The following RSPH14 variants were observed in gnomAD, a reference collection of about 807,000 sequenced individuals.
RSPH14 encodes rhabdoid tumor deletion region gene 1.
In RSPH14, 20 loss-of-function variants were observed where a neutral mutation model predicts 26.7. The observed-to-expected ratio is 0.75, with a 90% CI of 0.53 to 1.09. RSPH14 has a LOEUF of 1.09. Ranked by LOEUF, RSPH14 falls within the 50% of genes least tolerant of loss-of-function variation. RSPH14 has a pLI of 0.00. For missense variants in RSPH14, 449 were observed against 457.2 expected (o/e 0.98, Z 0.16); for synonymous variants, 177 against 189.3 (o/e 0.93, Z 0.53).
chr22:23,139,975 C>A (rs1273219343), intron 2 of RSPH14, among the ~76,000 whole-genome samples: 1 of 152,214 alleles, frequency 6.6e-6, no homozygotes, highest in Non-Finnish European at 1.5e-5. Context: ...GCAGGAGGAT[C>A]TCTTGACCCC....
At chr22:23,130,159 GAAAA>G (rs901029431) in intron 4 of RSPH14, among the ~76,000 whole-genome samples, 9 of 131,388 alleles carry the variant, frequency 6.8e-5, no homozygotes, top group Admixed American at 1.5e-4. Flanking sequence ...AAGAAAGAAA[GAAAA>G]AGAAAAAGAA....
At chr22:23,111,103 G>A (rs1350520448) in intron 4 of RSPH14, among the ~76,000 whole-genome samples, 4 of 152,198 alleles carry the variant, frequency 2.6e-5, no homozygotes, top group Middle Eastern at 3.2e-3. Context: ...CTGTGAGCGT[G>A]AGCAGGAATG....
At chr22:23,159,186 C>A in the RSPH14 span, 5 of 1,611,028 alleles carry the variant, frequency 3.1e-6, no homozygotes, top group Non-Finnish European at 4.2e-6. Context: ...GTGAGCAGGC[C>A]GAAGCAGACG....
chr22:23,138,669 G>C (rs1359536647), intron 3 of RSPH14, among the ~76,000 whole-genome samples, 171 bp downstream of exon 3: 1 of 152,120 alleles, frequency 6.6e-6, no homozygotes, highest in Non-Finnish European at 1.5e-5. Flanking sequence ...GATCCACACA[G>C]AGGCAACCAA....
In RSPH14 at chr22:23,139,726, G is replaced by T. The variant is rs2070556037; in HGVS notation, c.199+496C>A. Reference sequence around the variant, plus strand: ...TGAACCATGCTTTTCTTATCTGTGGGTTGAGAATGGACTCTCCCCTGTAGG... The same window carrying T: ...TGAACCATGCTTTTCTTATCTGTGGTTTGAGAATGGACTCTCCCCTGTAGG... On this transcript the variant is annotated intron_variant, in intron 2 of 6. Coordinates refer to ENST00000216036, the MANE Select transcript of RSPH14 (RefSeq NM_014433.3). Among the ~76,000 whole-genome samples the T allele has an allele frequency of 2.6e-5, 4 of 152,168 alleles. No homozygotes were observed. In the South Asian group the frequency reaches 8.3e-4, roughly 32 times the overall value.
chr22:23,109,423 T>C (rs761442386), intron 4 of RSPH14, among the ~76,000 whole-genome samples: 1 of 151,738 alleles, frequency 6.6e-6, no homozygotes, highest in Non-Finnish European at 1.5e-5. Context: ...TTTTTGGGAG[T>C]CCTGAATCTG....
At chr22:23,169,508 G>A in the RSPH14 span, among the ~76,000 whole-genome samples, 8 of 152,208 alleles carry the variant, frequency 5.3e-5, 1 homozygote, top group Admixed American at 1.3e-4. Context: ...CAGATCTGAG[G>A]GCAGAAAGCC....
At chr22:23,113,683 G>T (rs2069726657) in intron 4 of RSPH14, among the ~76,000 whole-genome samples, 1 of 152,232 alleles carries the variant, frequency 6.6e-6, no homozygotes, top group African/African-American at 2.4e-5. Context: ...CGGTACACCT[G>T]CCAGGACCTC....
At chr22:23,112,932 C>T (rs546494383) in intron 4 of RSPH14, among the ~76,000 whole-genome samples, 1 of 152,332 alleles carries the variant, frequency 6.6e-6, no homozygotes, top group African/African-American at 2.4e-5. Flanking sequence ...CCATGGAATA[C>T]CAGCCAAGAG....
intron 1 of RSPH14, 150 bp from the exon 2 acceptor site, chr22:23,140,622 T>A (rs2070580057): frequency 1.0e-6 from 1 of 998,468 alleles, no homozygotes; most frequent in Non-Finnish European, 1.4e-6. Context: ...TGAAGAGATT[T>A]GCTCAAAGTC....
the RSPH14 span, among the ~76,000 whole-genome samples, chr22:23,157,417 A>AT: frequency 2.0e-5 from 3 of 151,714 alleles, no homozygotes; most frequent in South Asian, 2.1e-4. Flanking sequence ...CACCCAGCTA[A>AT]TTTTTTTGTG....
At chr22:23,099,789 T>G (rs910657433) in intron 4 of RSPH14, among the ~76,000 whole-genome samples, 11 of 152,174 alleles carry the variant, frequency 7.2e-5, no homozygotes, top group African/African-American at 2.7e-4. Flanking sequence ...GTGGAGAAGC[T>G]GGCACCTACC....
intron 4 of RSPH14, among the ~76,000 whole-genome samples, chr22:23,130,079 GAAA>G (rs1569192411): frequency 0.036 from 1,075 of 30,128 alleles, 6 homozygotes; most frequent in African/African-American, 0.053. Flanking sequence ...AAGAAAGAAA[GAAA>G]GGAAGAAAGA....
chr22:23,082,966 T>C (rs2068722895), intron 4 of RSPH14, among the ~76,000 whole-genome samples: 1 of 151,966 alleles, frequency 6.6e-6, no homozygotes, highest in Admixed American at 6.6e-5. Context: ...AAGATCATAT[T>C]AAGGTGGGGC....
intron 4 of RSPH14, among the ~76,000 whole-genome samples, chr22:23,098,667 G>C (rs184835388): frequency 1.3e-5 from 2 of 152,274 alleles, no homozygotes; most frequent in African/African-American, 4.8e-5. Context: ...AAACCCAAGC[G>C]AGGCTGGAAA....
At chr22:23,176,761 C>A in the RSPH14 span, among the ~76,000 whole-genome samples, 15 of 152,322 alleles carry the variant, frequency 9.8e-5, no homozygotes, top group East Asian at 1.7e-3. Flanking sequence ...CCACAATCCC[C>A]AACCACTCCC....
At chr22:23,086,502 C>T (rs1044505088) in intron 4 of RSPH14, among the ~76,000 whole-genome samples, 1 of 152,232 alleles carries the variant, frequency 6.6e-6, no homozygotes. Flanking sequence ...GGGCACCTTC[C>T]TCTCCTCCCA....
At chr22:23,095,736 G>A (rs760505008) in intron 4 of RSPH14, 6 of 1,611,874 alleles carry the variant, frequency 3.7e-6, no homozygotes, top group African/African-American at 1.3e-5. Context: ...GAAGCAGCCC[G>A]GCGGTCCCGG....
chr22:23,178,868 T>A, the RSPH14 span, among the ~76,000 whole-genome samples: 3 of 151,932 alleles, frequency 2.0e-5, no homozygotes, highest in South Asian at 2.1e-4. Context: ...GAGCAGGGAG[T>A]GAAACAAAAT....
Sources: gnomAD v4.1 joint callset for allele counts (sites outside exome capture counted in the v4.1 genomes callset) on GRCh38, gnomAD v4.1.1 for gene constraint, MANE v1.5 for transcripts, NCBI Gene and HGNC (gene_info 2026-07-23, HGNC 2026-07-21) for gene names.